The following TTC39C variants were observed in gnomAD, a reference collection of about 807,000 sequenced individuals.
The protein encoded by TTC39C is tetratricopeptide repeat protein 39C.
Under a neutral mutation model 76.3 loss-of-function variants are expected in TTC39C, and 33 were observed. The ratio of observed to expected loss-of-function variants is 0.43; its 90% CI spans 0.33 to 0.58. TTC39C has a LOEUF of 0.58. Ranked by LOEUF, TTC39C falls within the 20% of genes least tolerant of loss-of-function variation. The pLI is 0.04. For synonymous variants in TTC39C, 254 were observed against 260.6 expected (o/e 0.97, Z 0.24); for missense variants, 595 against 701.4 (o/e 0.85, Z 1.71).
intron 7 of TTC39C, among the ~76,000 whole-genome samples, chr18:24,116,452 C>T (rs1329153664): frequency 6.6e-6 from 1 of 152,088 alleles, no homozygotes; most frequent in Admixed American, 6.5e-5. Flanking sequence ...CTGAGGCGGG[C>T]GGGAGAGTGG....
chr18:24,113,873 T>C, intron 6 of TTC39C: 1 of 573,182 alleles, frequency 1.7e-6, no homozygotes, highest in Non-Finnish European at 3.1e-6. Context: ...GACAGTGTTA[T>C]GTGAATGAAA....
intron 6 of TTC39C, among the ~76,000 whole-genome samples, chr18:24,110,923 A>G (rs527594284): frequency 1.1e-4 from 17 of 152,264 alleles, no homozygotes; most frequent in Middle Eastern, 3.4e-3. Flanking sequence ...ACAAAAGCCT[A>G]GATGGCACTA....
intron 12 of TTC39C, 31 bp downstream of exon 12, chr18:24,130,448 ATTTT>A: frequency 1.1e-6 from 1 of 910,906 alleles, no homozygotes; most frequent in Non-Finnish European, 1.4e-6. Flanking sequence ...TATAATATAT[ATTTT>A]TAATGTTGTT....
At chr18:24,042,520 G>A (rs1340114605) in intron 1 of TTC39C, among the ~76,000 whole-genome samples, 1 of 152,198 alleles carries the variant, frequency 6.6e-6, no homozygotes, top group Admixed American at 6.5e-5. Context: ...ACCTCCTGCT[G>A]TGTGGCCCAG....
At chr18:24,069,021 A>C in intron 3 of TTC39C, 136 bp from the exon 4 acceptor site, 1 of 647,082 alleles carries the variant, frequency 1.5e-6, no homozygotes, top group Non-Finnish European at 2.7e-6. Flanking sequence ...TCATAGGATA[A>C]ATTTGGGCTT....
rs907184028 is a variant in TTC39C, at chr18:24,134,264, G to GTT, written c.*1716_*1717dup. On this transcript the variant is annotated 3_prime_UTR_variant, in exon 14 of 14. Transcript: ENST00000317571. The stretch of plus-strand genomic sequence containing the variant: ...CAAAAATATTGGACATCTGTTTTTT[G>GTT]TTTTTTTTTTTTTTTTTTTTTTTTT... The GTT allele has an allele frequency of 3.6e-5, 3 of 83,790 alleles. No homozygotes were observed. The highest frequency in any genetic ancestry group is 1.6e-4 in the Admixed American group (1 of 6,092). The allele number at this position is 83,790 out of a possible 1,614,324, so 5.2% of individuals were successfully genotyped here. A position where few individuals can be genotyped will look rare whatever the true frequency, so the allele number is the denominator to read the frequency against.
chr18:24,056,124 C>T (rs926125167), intron 1 of TTC39C, among the ~76,000 whole-genome samples: 1 of 152,082 alleles, frequency 6.6e-6, no homozygotes, highest in African/African-American at 2.4e-5. Context: ...CTCCAGTGGC[C>T]CCCTGGGTCT....
intron 1 of TTC39C, among the ~76,000 whole-genome samples, chr18:24,032,595 A>G (rs1167244138): frequency 6.6e-6 from 1 of 152,234 alleles, no homozygotes; most frequent in Admixed American, 6.5e-5. Context: ...TTTGTACAAT[A>G]TTTTAAATAA....
chr18:24,078,338 C>T (rs1456324148), intron 4 of TTC39C, among the ~76,000 whole-genome samples: 5 of 152,186 alleles, frequency 3.3e-5, no homozygotes, highest in Non-Finnish European at 5.9e-5. Flanking sequence ...GTCCCCAAGA[C>T]CACCTCCAGG....
chr18:24,126,525 C>T lies in TTC39C; in HGVS notation c.1420+975C>T, dbSNP rs1002754691. Among the ~76,000 whole-genome samples, 18 of 151,814 alleles carry T rather than the reference C, an allele frequency of 1.2e-4. 1 individual carries two copies. Among genetic ancestry groups the T allele is most frequent in the South Asian group, 2.1e-4 (1 of 4,804 alleles). On this transcript the variant is annotated intron_variant, in intron 10 of 13. Transcript: ENST00000317571. ...TCTGGAGATCAAAGGAACAAAACTCCGTAAGAAGTTTTGTACAGTGGCCCT... is the reference window on the plus strand; with the variant it reads ...TCTGGAGATCAAAGGAACAAAACTCTGTAAGAAGTTTTGTACAGTGGCCCT...
chr18:24,098,883 T>TG (rs1007399400), intron 6 of TTC39C, among the ~76,000 whole-genome samples: 11 of 151,924 alleles, frequency 7.2e-5, no homozygotes, highest in Admixed American at 6.6e-4. Context: ...CCTCCTGCCT[T>TG]GGCCTCCCAA....
At chr18:24,063,851 T>A (rs577741021) in intron 1 of TTC39C, among the ~76,000 whole-genome samples, 2 of 152,334 alleles carry the variant, frequency 1.3e-5, no homozygotes, top group East Asian at 3.9e-4. Flanking sequence ...GTCAACTCTT[T>A]AACAGCCACA....
chr18:24,049,425 T>G (rs1258445840), intron 1 of TTC39C, among the ~76,000 whole-genome samples: 1 of 152,172 alleles, frequency 6.6e-6, no homozygotes, highest in Non-Finnish European at 1.5e-5. Context: ...TCAGCATAGA[T>G]AGTTTTCTGT....
intron 1 of TTC39C, among the ~76,000 whole-genome samples, chr18:24,038,271 A>T (rs763147104): frequency 1.3e-5 from 2 of 152,114 alleles, no homozygotes; most frequent in Non-Finnish European, 2.9e-5. Flanking sequence ...TCTACACAGC[A>T]TGTAATTTAT....
intron 1 of TTC39C, among the ~76,000 whole-genome samples, chr18:24,040,456 C>T (rs1280175350): frequency 5.3e-5 from 8 of 152,122 alleles, no homozygotes; most frequent in Admixed American, 3.9e-4. Flanking sequence ...AGTCATCTGC[C>T]ATTTTGGAAT....
chr18:24,101,305 T>TAAA (rs35978012), intron 6 of TTC39C, among the ~76,000 whole-genome samples: 21,082 of 139,280 alleles, frequency 0.15, 1,810 homozygotes, highest in Middle Eastern at 0.2. Context: ...TAATTTTTCA[T>TAAA]AAAAAAAAAA....
intron 6 of TTC39C, among the ~76,000 whole-genome samples, chr18:24,085,562 T>G (rs1465968319): frequency 6.6e-6 from 1 of 152,204 alleles, no homozygotes; most frequent in Non-Finnish European, 1.5e-5. Flanking sequence ...TCAAGATGGT[T>G]CTAGAAATAA....
chr18:24,118,756 G>T (rs1000627280), intron 8 of TTC39C, among the ~76,000 whole-genome samples: 1 of 151,484 alleles, frequency 6.6e-6, no homozygotes, highest in Admixed American at 6.6e-5. Flanking sequence ...AGGCTCAAGC[G>T]ATCCTCCTGC....
At chr18:24,040,104 T>C (rs979991613) in intron 1 of TTC39C, among the ~76,000 whole-genome samples, 1 of 152,244 alleles carries the variant, frequency 6.6e-6, no homozygotes, top group African/African-American at 2.4e-5. Flanking sequence ...ATCGGAGGCC[T>C]CTTGATTGGG....
Sources: gnomAD v4.1 joint callset for allele counts (sites outside exome capture counted in the v4.1 genomes callset) on GRCh38, gnomAD v4.1.1 for gene constraint, MANE v1.5 for transcripts, NCBI Gene and HGNC (gene_info 2026-07-23, HGNC 2026-07-21) for gene names.